The following SEC24D variants were observed in gnomAD, a reference collection of about 807,000 sequenced individuals.
The protein encoded by SEC24D is protein transport protein Sec24D.
In SEC24D, 69 loss-of-function variants were observed where a neutral mutation model predicts 116.9. The observed-to-expected ratio is 0.59, with a 90% CI of 0.49 to 0.72. The LOEUF (loss-of-function observed/expected upper bound fraction) is 0.72. SEC24D is among the 30% of genes least tolerant of loss of function. The pLI is 0.00. For missense variants in SEC24D, 1,131 were observed against 1,264.1 expected, an observed-to-expected ratio of 0.89 and a Z score of 1.60; for synonymous variants, 405 against 442.8, an observed-to-expected ratio of 0.91 and a Z score of 1.07.
Position 118,759,886 on chromosome 4 carries a change from A to G in SEC24D, c.1297-2041T>C, listed in dbSNP as rs1323220613. ...CAAGACCAGCATTCCAATTAACTACAGCACACATCCACATAAAAGTTCTGC... is the reference window on the plus strand; with the variant it reads ...CAAGACCAGCATTCCAATTAACTACGGCACACATCCACATAAAAGTTCTGC... On this transcript the variant is annotated intron_variant, in intron 10 of 22. Coordinates refer to ENST00000280551, the MANE Select transcript of SEC24D (RefSeq NM_014822.4). Among the ~76,000 whole-genome samples, 4 of 152,216 alleles carry G rather than the reference A, an allele frequency of 2.6e-5. No individual in the cohort carries two copies. The East Asian group carries it at 7.7e-4, about 29-fold the overall frequency.
Position 118,745,062 on chromosome 4 carries a change from TAAAAA to T in SEC24D, c.1708-7_1708-3del. The T allele has an allele frequency of 1.5e-5, 18 of 1,233,606 alleles. No homozygotes were observed. Among genetic ancestry groups the T allele is most frequent in the Admixed American group, 2.6e-5 (1 of 38,842 alleles). 76.4% of individuals were successfully genotyped at this position (1,233,606 alleles called of 1,614,324 possible). A position where few individuals can be genotyped will look rare whatever the true frequency, so the allele number is the denominator to read the frequency against. ...CAGCTTCCCAGGACAGTCTGCTGCC[TAAAAA>T]AAAAAAAAAACCCAAAAACCCACAG... On this transcript the variant is annotated splice_region_variant and splice_polypyrimidine_tract_variant and intron_variant, in intron 13 of 22. Transcript: ENST00000280551.
At chr4:118,732,259 C>A (rs144100942) in intron 20 of SEC24D, among the ~76,000 whole-genome samples, 135 of 152,188 alleles carry the variant, frequency 8.9e-4, no homozygotes, top group Middle Eastern at 6.8e-3. Context: ...CTCAGCCCCC[C>A]ACGAGTAGCT....
rs1415848288 is a variant in SEC24D at position 118,815,163 on chromosome 4, G to T, written c.674-8C>A. 2.5e-6 allele frequency: 4 copies of T among 1,612,950 alleles called. No individual in the cohort carries two copies. In the South Asian group the frequency reaches 4.4e-5, roughly 18 times the overall value. ...TCTGGGGACCAGAGTTGGCTGCTTG[G>T]AAAAAATTTAAAGAGAAATGACTAT... On this transcript the variant is annotated splice_polypyrimidine_tract_variant and splice_region_variant and intron_variant, in intron 5 of 22. Transcript: ENST00000280551.
At chr4:118,829,105 T>C (rs548744473) in intron 2 of SEC24D, among the ~76,000 whole-genome samples, 2 of 152,354 alleles carry the variant, frequency 1.3e-5, no homozygotes, top group African/African-American at 2.4e-5. Flanking sequence ...AAAATTGTCA[T>C]TGTTAATTTC....
At position 118,740,605 on chromosome 4, in the gene SEC24D, C is replaced by T. The variant is rs556466285; in HGVS notation, c.2238+58G>A. 7.5e-4 allele frequency: 1,196 copies of T among 1,584,200 alleles called. 5 individuals are homozygous for T. In the Middle Eastern group the frequency reaches 0.011, roughly 15 times the overall value. On this transcript the variant is annotated intron_variant, in intron 17 of 22. Transcript: ENST00000280551. ...ATTTGATGGTATTTCAGTCTCCCCACTGATCATTGTCGGCAACAAACTAAA... is the reference window on the plus strand; with the variant it reads ...ATTTGATGGTATTTCAGTCTCCCCATTGATCATTGTCGGCAACAAACTAAA...
chr4:118,814,780 T>C (rs924947189), intron 6 of SEC24D, among the ~76,000 whole-genome samples: 4 of 151,424 alleles, frequency 2.6e-5, no homozygotes, highest in Admixed American at 2.6e-4. Context: ...CAAGTTTATA[T>C]GACACCAAAA....
chr4:118,823,108 G>C (rs1472318100), intron 3 of SEC24D, among the ~76,000 whole-genome samples: 1 of 152,190 alleles, frequency 6.6e-6, no homozygotes, highest in East Asian at 1.9e-4. Flanking sequence ...TGAACCAGAA[G>C]AGGCATTTTG....
At chr4:118,782,707 G>C (rs1403333206) in intron 8 of SEC24D, among the ~76,000 whole-genome samples, 4 of 152,242 alleles carry the variant, frequency 2.6e-5, no homozygotes, top group Non-Finnish European at 4.4e-5. Flanking sequence ...GGACCCAGAG[G>C]TGGAGTCAAC....
intron 21 of SEC24D, 71 bp downstream of exon 21, chr4:118,731,245 G>A: frequency 8.2e-7 from 1 of 1,223,166 alleles, no homozygotes; most frequent in South Asian, 1.3e-5. Flanking sequence ...ATATTTGACT[G>A]CACATAAATA....
intron 7 of SEC24D, among the ~76,000 whole-genome samples, chr4:118,804,662 T>C (rs1729590767): frequency 6.6e-6 from 1 of 151,976 alleles, no homozygotes; most frequent in South Asian, 2.1e-4. Flanking sequence ...TATGAACTCA[T>C]CTAACTAGTT....
intron 22 of SEC24D, 148 bp from the exon 23 acceptor site, chr4:118,723,803 TC>T: frequency 1.1e-6 from 1 of 887,084 alleles, no homozygotes; most frequent in Non-Finnish European, 1.7e-6. Context: ...GTGCCTGATA[TC>T]TAGAGTGGAA....
intron 13 of SEC24D, among the ~76,000 whole-genome samples, chr4:118,746,558 A>G (rs954828246): frequency 2.6e-5 from 4 of 151,966 alleles, no homozygotes; most frequent in African/African-American, 9.7e-5. Flanking sequence ...TATTTCCAAC[A>G]TGTCTTTACC....
In SEC24D at chr4:118,745,059, G is replaced by A. The variant is rs751349617; in HGVS notation, c.1709C>T (p.Ala570Val). ...VIQAGMEALK[A>V]ADCPGKLFIF... ...GAACAGCTTCCCAGGACAGTCTGCTGCCTAAAAAAAAAAAAAAACCCAAAA... is the reference window on the plus strand; with the variant it reads ...GAACAGCTTCCCAGGACAGTCTGCTACCTAAAAAAAAAAAAAAACCCAAAA... The change falls in exon 14 of 23, where the codon GCA becomes GTA. Residue 570 changes from alanine (A) to valine (V), a missense_variant and splice_region_variant. Coordinates refer to ENST00000280551, the MANE Select transcript of SEC24D (RefSeq NM_014822.4). 1.1e-5 allele frequency: 17 copies of A among 1,520,730 alleles called. No homozygotes were observed. The highest frequency in any genetic ancestry group is 8.1e-5 in the Admixed American group (4 of 49,536). 94.2% of individuals were successfully genotyped at this position (1,520,730 alleles called of 1,614,324 possible). A position where few individuals can be genotyped will look rare whatever the true frequency, so the allele number is the denominator to read the frequency against.
Position 118,801,933 on chromosome 4 carries a change from A to G in SEC24D, c.913+3910T>C, listed in dbSNP as rs1316519642. 2.6e-5 allele frequency among the ~76,000 whole-genome samples: 4 copies of G among 152,368 alleles called. No homozygotes were observed. In the East Asian group the frequency reaches 7.7e-4, roughly 29 times the overall value. Reference sequence around the variant, plus strand: ...TTTGAGATGCTTAATAAAGAGCATTATGTGATAATTTTACTGAAAACATTC... The same window carrying G: ...TTTGAGATGCTTAATAAAGAGCATTGTGTGATAATTTTACTGAAAACATTC... On this transcript the variant is annotated intron_variant, in intron 7 of 22. Transcript: ENST00000280551.
rs534342118 is a variant in SEC24D at position 118,825,613 on chromosome 4, T to C, written c.119-864A>G. ...AAGCTTATCTTTAAGGACCTCAGTT[T>C]TCTTCCTGTAAAATGAAAGGCTTAG... On this transcript the variant is annotated intron_variant, in intron 2 of 22. Coordinates refer to ENST00000280551, the MANE Select transcript of SEC24D (RefSeq NM_014822.4). 5.8e-4 allele frequency: 263 copies of C among 456,184 alleles called. 1 individual carries two copies. Among genetic ancestry groups the C allele is most frequent in the South Asian group, 4.0e-3 (256 of 64,556 alleles). 28.3% of individuals were successfully genotyped at this position (456,184 alleles called of 1,614,324 possible).
intron 8 of SEC24D, among the ~76,000 whole-genome samples, chr4:118,791,522 C>A (rs998912551): frequency 3.3e-5 from 5 of 149,622 alleles, no homozygotes; most frequent in Admixed American, 3.3e-4. Context: ...CTCCCTACTC[C>A]CTACTCCCTC....
In SEC24D at chr4:118,799,417, AC is replaced by A. The variant is rs571304596; in HGVS notation, c.914-1608del. Among the ~76,000 whole-genome samples the A allele has an allele frequency of 8.5e-5, 13 of 152,308 alleles. No homozygotes were observed. The East Asian group carries it at 2.5e-3, about 29-fold the overall frequency. The stretch of plus-strand genomic sequence containing the variant: ...TTTGGGAAATCTATTACACAGTCAT[AC>A]AGCAATGCTGAGTAGACAATTAGAT... On this transcript the variant is annotated intron_variant, in intron 7 of 22. Transcript: ENST00000280551.
intron 8 of SEC24D, among the ~76,000 whole-genome samples, chr4:118,774,398 T>C (rs1560674805): frequency 6.6e-6 from 1 of 152,216 alleles, no homozygotes; most frequent in Non-Finnish European, 1.5e-5. Context: ...TATGATCTTA[T>C]GGTCACTTGT....
chr4:118,725,215 T>C (rs1362909797), intron 22 of SEC24D, among the ~76,000 whole-genome samples: 3 of 152,242 alleles, frequency 2.0e-5, no homozygotes, highest in Non-Finnish European at 4.4e-5. Flanking sequence ...GCCTTGGCTT[T>C]TGGGTGTCAG....
Sources: allele counts gnomAD v4.1 joint callset (sites outside exome capture counted in the v4.1 genomes callset), GRCh38; gene constraint gnomAD v4.1.1; transcripts MANE v1.5; gene names NCBI Gene and HGNC (gene_info 2026-07-23, HGNC 2026-07-21).